The following DIAPH1 variants were observed in gnomAD, a reference collection of about 807,000 sequenced individuals.
DIAPH1 encodes protein diaphanous homolog 1.
In DIAPH1, 46 loss-of-function variants were observed where a neutral mutation model predicts 140.7. The observed-to-expected ratio is 0.33, with a 90% CI of 0.26 to 0.42. The LOEUF (loss-of-function observed/expected upper bound fraction) is 0.42, where lower values mean the gene tolerates loss of function less well. Ranked by LOEUF, DIAPH1 falls within the 10% of genes least tolerant of loss-of-function variation. DIAPH1 has a pLI of 1.00. For synonymous variants in DIAPH1, 565 were observed against 551.6 expected (o/e 1.02, Z -0.34); for missense variants, 1,310 against 1,558.7 (o/e 0.84, Z 2.69).
intron 1 of DIAPH1, among the ~76,000 whole-genome samples, chr5:141,608,282 C>T (rs999509267): frequency 6.6e-6 from 1 of 152,120 alleles, no homozygotes. Flanking sequence ...CCAGCCTGGG[C>T]AACAGAGTAA....
intron 18 of DIAPH1, among the ~76,000 whole-genome samples, chr5:141,549,135 A>C (rs2099891294): frequency 6.6e-6 from 1 of 152,202 alleles, no homozygotes; most frequent in African/African-American, 2.4e-5. Context: ...TACAAAACAT[A>C]CTAAATATGT....
At position 141,571,441 on chromosome 5, in the gene DIAPH1, A is replaced by G; in HGVS notation, c.2474-5T>C. The stretch of plus-strand genomic sequence containing the variant: ...TTGTATTCTTACCTTTGGAAGCTTC[A>G]GGAGCAAAGTGCCAGGAGGGAGAAG... On this transcript the variant is annotated splice_polypyrimidine_tract_variant and splice_region_variant and intron_variant, in intron 17 of 27. Coordinates refer to ENST00000389054, the MANE Select transcript of DIAPH1 (RefSeq NM_005219.5). The G allele has an allele frequency of 1.2e-6, 2 of 1,610,368 alleles. No individual in the cohort carries two copies. The highest frequency in any genetic ancestry group is 1.7e-6 in the Non-Finnish European group (2 of 1,178,062).
intron 27 of DIAPH1, among the ~76,000 whole-genome samples, chr5:141,518,185 T>G (rs984772218): frequency 1.3e-5 from 2 of 152,222 alleles, no homozygotes; most frequent in African/African-American, 4.8e-5. Flanking sequence ...GAAGTTTTTC[T>G]TCTGGGGATG....
At chr5:141,535,942 G>A in intron 18 of DIAPH1, 1 of 452,780 alleles carries the variant, frequency 2.2e-6, no homozygotes, top group African/African-American at 2.0e-5. Flanking sequence ...AGTATTACCT[G>A]GTACAAATAA....
intron 18 of DIAPH1, among the ~76,000 whole-genome samples, chr5:141,561,324 G>C (rs1450012887): frequency 4.0e-5 from 6 of 151,800 alleles, no homozygotes. Flanking sequence ...ATATCACTGG[G>C]GTCCCTTGTC....
chr5:141,544,085 C>T (rs1002603490), intron 18 of DIAPH1, among the ~76,000 whole-genome samples: 2 of 151,874 alleles, frequency 1.3e-5, no homozygotes, highest in Admixed American at 1.3e-4. Flanking sequence ...CTGAGGCAGA[C>T]AGATCACAAG....
intron 19 of DIAPH1, among the ~76,000 whole-genome samples, chr5:141,532,300 T>C (rs2099888357): frequency 6.6e-6 from 1 of 152,074 alleles, no homozygotes; most frequent in South Asian, 2.1e-4. Context: ...GCCTCCTGAG[T>C]AGTTGACTAC....
intron 26 of DIAPH1, among the ~76,000 whole-genome samples, chr5:141,525,649 C>A (rs2154594946): frequency 6.6e-6 from 1 of 152,014 alleles, no homozygotes; most frequent in South Asian, 2.1e-4. Flanking sequence ...AGACACGCCA[C>A]AATTAAAAGA....
At chr5:141,603,483 CT>C (rs2099900471) in intron 1 of DIAPH1, among the ~76,000 whole-genome samples, 2 of 152,162 alleles carry the variant, frequency 1.3e-5, no homozygotes, top group South Asian at 4.1e-4. Flanking sequence ...CAATCTACCC[CT>C]GCCTTCCAAA....
intron 18 of DIAPH1, chr5:141,564,482 C>G (rs939363225): frequency 6.6e-6 from 1 of 152,202 alleles, no homozygotes; most frequent in Non-Finnish European, 1.5e-5. Flanking sequence ...AAACTTAATT[C>G]CTTTACCTGA....
chr5:141,524,139 T>C lies in DIAPH1; in HGVS notation c.3661+4A>G. The C allele has an allele frequency of 6.2e-7, 1 of 1,614,014 alleles. No homozygotes were observed. Among genetic ancestry groups the C allele is most frequent in the Non-Finnish European group, 8.5e-7 (1 of 1,179,934 alleles). On this transcript the variant is annotated splice_donor_region_variant and intron_variant, in intron 27 of 27. Transcript: ENST00000389054. ...CCCAGGATGAGCTCCATGTGCTTACTTACCTTGACGGGGCCCTCTCTTCCG... is the reference window on the plus strand; with the variant it reads ...CCCAGGATGAGCTCCATGTGCTTACCTACCTTGACGGGGCCCTCTCTTCCG...
At chr5:141,582,087 A>AAAAT in intron 7 of DIAPH1, 2 of 365,028 alleles carry the variant, frequency 5.5e-6, no homozygotes, top group Non-Finnish European at 4.9e-6. Context: ...AAAAAAAAAA[A>AAAAT]GAGAGAGAAA....
At chr5:141,526,716 G>C (rs1232009451) in intron 24 of DIAPH1, among the ~76,000 whole-genome samples, 1 of 151,104 alleles carries the variant, frequency 6.6e-6, no homozygotes, top group Non-Finnish European at 1.5e-5. Flanking sequence ...TTGTTTGTTT[G>C]AGACAGGGTT....
chr5:141,596,371 C>T lies in DIAPH1; in HGVS notation c.118-8121G>A, dbSNP rs191130794. Among the ~76,000 whole-genome samples, 89 of 151,998 alleles carry T rather than the reference C, an allele frequency of 5.9e-4. 1 individual carries two copies. The highest frequency in any genetic ancestry group is 1.6e-3 in the African/African-American group (67 of 41,468). On this transcript the variant is annotated intron_variant, in intron 1 of 27. Coordinates refer to ENST00000389054, the MANE Select transcript of DIAPH1 (RefSeq NM_005219.5). ...AATAATAATTAGCCAGGCATTGTAG[C>T]GCTTGCCTGTAGTCCCACCTACTCA...
chr5:141,557,859 A>G (rs147801987), intron 18 of DIAPH1: 1 of 152,376 alleles, frequency 6.6e-6, no homozygotes, highest in East Asian at 1.9e-4. Context: ...AAGAGTACGT[A>G]GCTGCGCCTC....
chr5:141,587,525 A>G, intron 2 of DIAPH1: 1 of 331,440 alleles, frequency 3.0e-6, no homozygotes, highest in Non-Finnish European at 5.7e-6. Flanking sequence ...CTCTCATGAC[A>G]GAGTTCTATC....
intron 1 of DIAPH1, among the ~76,000 whole-genome samples, chr5:141,594,883 A>G (rs2099899065): frequency 1.3e-5 from 2 of 150,782 alleles, no homozygotes; most frequent in Non-Finnish European, 3.0e-5. Flanking sequence ...TCTAATAACA[A>G]TACAAAAATT....
intron 1 of DIAPH1, among the ~76,000 whole-genome samples, chr5:141,610,446 A>C (rs1596412529): frequency 6.6e-6 from 1 of 152,064 alleles, no homozygotes; most frequent in African/African-American, 2.4e-5. Flanking sequence ...GATTACAGGC[A>C]CGCACCACCA....
intron 1 of DIAPH1, among the ~76,000 whole-genome samples, chr5:141,597,385 T>A (rs2099899495): frequency 6.6e-6 from 1 of 152,112 alleles, no homozygotes; most frequent in South Asian, 2.1e-4. Flanking sequence ...GAAAAATAAT[T>A]TCCAAACTAC....
Sources: gnomAD v4.1 joint callset for allele counts (sites outside exome capture counted in the v4.1 genomes callset) on GRCh38, gnomAD v4.1.1 for gene constraint, MANE v1.5 for transcripts, NCBI Gene and HGNC (gene_info 2026-07-23, HGNC 2026-07-21) for gene names.